Variants in PARG observed in about 807,000 individuals in gnomAD.
PARG encodes poly(ADP-ribose) glycohydrolase.
PARG carries 35 observed loss-of-function variants against 113.0 expected under a neutral mutation model. That is an observed-to-expected ratio of 0.31 (90% CI 0.24 to 0.41). The LOEUF is 0.41. PARG is among the 10% of genes least tolerant of loss of function. PARG has a pLI of 1.00. For synonymous variants in PARG, 330 were observed against 409.9 expected (o/e 0.81, Z 2.36); for missense variants, 797 against 1,169.4 (o/e 0.68, Z 4.64).
At chr10:49,840,837 T>C (rs11813858) in intron 15 of PARG, among the ~76,000 whole-genome samples, 1 of 152,244 alleles carries the variant, frequency 6.6e-6, no homozygotes, top group African/African-American at 2.4e-5. Flanking sequence ...TATAGCCATG[T>C]AAAAACCACA....
At chr10:49,901,775 T>TA (rs1386600173) in intron 7 of PARG, among the ~76,000 whole-genome samples, 4 of 152,060 alleles carry the variant, frequency 2.6e-5, no homozygotes, top group Non-Finnish European at 5.9e-5. Flanking sequence ...ATATCCAATC[T>TA]AAAAAAATTC....
chr10:49,860,102 C>T (rs1167794226), intron 12 of PARG, among the ~76,000 whole-genome samples: 4 of 152,202 alleles, frequency 2.6e-5, no homozygotes, highest in Non-Finnish European at 4.4e-5. Context: ...CATTGCAATA[C>T]AATATTCCCC....
intron 13 of PARG, among the ~76,000 whole-genome samples, chr10:49,846,092 T>C (rs528502071): frequency 1.4e-3 from 216 of 150,976 alleles, no homozygotes; most frequent in Non-Finnish European, 2.4e-3. Flanking sequence ...AATCCAACTA[T>C]TGATAAAAAA....
intron 7 of PARG, among the ~76,000 whole-genome samples, chr10:49,903,878 A>G (rs1478990027): frequency 2.0e-5 from 3 of 152,152 alleles, no homozygotes; most frequent in Non-Finnish European, 4.4e-5. Flanking sequence ...AAGAGATGAA[A>G]TGCCATGGAG....
chr10:49,865,935 C>T lies in PARG; in HGVS notation c.2069-554G>A, dbSNP rs535730382. 5.6e-3 allele frequency among the ~76,000 whole-genome samples: 847 copies of T among 150,382 alleles called. 2 individuals carry two copies. Among genetic ancestry groups the T allele is most frequent in the Non-Finnish European group, 8.8e-3 (595 of 67,600 alleles). On this transcript the variant is annotated intron_variant, in intron 10 of 17. Transcript: ENST00000616448. The stretch of plus-strand genomic sequence containing the variant: ...TCCTCTGGAGTTAGTACAGCTAAGT[C>T]TCAGGCTTAAATAGTGGGCAATCAC...
At chr10:49,827,123 G>A (rs1317201195) in intron 16 of PARG, among the ~76,000 whole-genome samples, 3 of 152,318 alleles carry the variant, frequency 2.0e-5, no homozygotes, top group Non-Finnish European at 4.4e-5. Flanking sequence ...GGAAGGGAAG[G>A]AGGGTCTTTC....
At chr10:49,837,698 CT>C (rs1435279704) in intron 15 of PARG, among the ~76,000 whole-genome samples, 10 of 152,060 alleles carry the variant, frequency 6.6e-5, no homozygotes, top group Non-Finnish European at 1.5e-4. Flanking sequence ...CTGCTTTTTC[CT>C]TTTTCAGTGA....
chr10:49,927,416 A>AAG (rs1472262347), intron 4 of PARG, among the ~76,000 whole-genome samples: 2 of 137,190 alleles, frequency 1.5e-5, no homozygotes, highest in African/African-American at 5.1e-5. Flanking sequence ...GAAAGAAAGA[A>AAG]AGAAAAATAA....
chr10:49,933,008 G>C (rs1193634274), intron 3 of PARG, among the ~76,000 whole-genome samples, 169 bp downstream of exon 3: 1 of 152,076 alleles, frequency 6.6e-6, no homozygotes, highest in East Asian at 1.9e-4. Flanking sequence ...TCTGTTTCTA[G>C]CCTTTTTAGA....
chr10:49,919,142 T>A (rs1319951970), intron 6 of PARG, among the ~76,000 whole-genome samples: 2 of 152,158 alleles, frequency 1.3e-5, no homozygotes, highest in African/African-American at 4.8e-5. Flanking sequence ...GGTTTCACCA[T>A]GTTGGCCAGG....
chr10:49,873,460 A>G lies in PARG; in HGVS notation c.1989-3905T>C, dbSNP rs192480557. Among the ~76,000 whole-genome samples, 7 of 151,678 alleles carry G rather than the reference A, an allele frequency of 4.6e-5. No homozygotes were observed. In the East Asian group the frequency reaches 1.4e-3, roughly 29 times the overall value. ...CCGGAGCACTCAGAGCATTTTGCTC[A>G]TGACAGGCTTTGAGATACAATAAAA... On this transcript the variant is annotated intron_variant, in intron 9 of 17. Coordinates refer to ENST00000616448, the MANE Select transcript of PARG (RefSeq NM_003631.5).
At chr10:49,878,016 T>G (rs2132615253) in intron 9 of PARG, among the ~76,000 whole-genome samples, 1 of 150,938 alleles carries the variant, frequency 6.6e-6, no homozygotes, top group African/African-American at 2.4e-5. Context: ...CAGCAGACAC[T>G]ACCTTCGCCA....
At chr10:49,822,716 TG>T (rs1362641361) in intron 16 of PARG, among the ~76,000 whole-genome samples, 1 of 152,084 alleles carries the variant, frequency 6.6e-6, no homozygotes, top group African/African-American at 2.4e-5. Flanking sequence ...AACTCTGCAG[TG>T]GGGAAACTGG....
At chr10:49,862,245 G>A (rs1347528633) in intron 11 of PARG, among the ~76,000 whole-genome samples, 1 of 151,614 alleles carries the variant, frequency 6.6e-6, no homozygotes, top group East Asian at 1.9e-4. Flanking sequence ...GGCCACTGAG[G>A]TATTGACTTA....
intron 15 of PARG, among the ~76,000 whole-genome samples, chr10:49,838,355 C>T (rs192654228): frequency 4.0e-4 from 56 of 140,562 alleles, no homozygotes; most frequent in Non-Finnish European, 6.9e-4. Context: ...CGCTTGAACC[C>T]GGGAGGTGGA....
chr10:49,868,436 A>C (rs1846627181), intron 10 of PARG, among the ~76,000 whole-genome samples: 2 of 152,254 alleles, frequency 1.3e-5, no homozygotes, highest in African/African-American at 4.8e-5. Context: ...ATATCAGAGA[A>C]GCATGTAATT....
intron 6 of PARG, among the ~76,000 whole-genome samples, chr10:49,916,583 T>C (rs1203852242): frequency 6.6e-6 from 1 of 152,070 alleles, no homozygotes; most frequent in African/African-American, 2.4e-5. Flanking sequence ...ATTACACATT[T>C]ATGTAGAATG....
intron 7 of PARG, among the ~76,000 whole-genome samples, chr10:49,886,173 G>C (rs1246985905): frequency 6.6e-6 from 1 of 152,172 alleles, no homozygotes; most frequent in Non-Finnish European, 1.5e-5. Flanking sequence ...ATCCTACATT[G>C]AGGTCAATTA....
In PARG at chr10:49,905,070, T is replaced by C. The variant is rs1225566886; in HGVS notation, c.1737+10847A>G. Among the ~76,000 whole-genome samples, 37 of 152,378 alleles carry C rather than the reference T, an allele frequency of 2.4e-4. No homozygotes were observed. The East Asian group carries it at 4.8e-3, about 20-fold the overall frequency. ...TGACATATGTATCCTAAAGTATAAT[T>C]GTTTTGGACATGCTGCCCTTGAGGA... On this transcript the variant is annotated intron_variant, in intron 7 of 17. Transcript: ENST00000616448.
Sources: gnomAD v4.1 joint callset for allele counts (sites outside exome capture counted in the v4.1 genomes callset) on GRCh38, gnomAD v4.1.1 for gene constraint, MANE v1.5 for transcripts, NCBI Gene and HGNC (gene_info 2026-07-23, HGNC 2026-07-21) for gene names.